Variants in MCTP1 observed in about 807,000 individuals in gnomAD.
MCTP1 encodes the protein multiple C2 and transmembrane domain containing 1.
A neutral mutation model predicts 120.6 loss-of-function variants in MCTP1; 69 were observed. The ratio of observed to expected loss-of-function variants is 0.57; its 90% confidence interval spans 0.47 to 0.70. MCTP1 has a LOEUF of 0.70. MCTP1 is among the 30% of genes least tolerant of loss of function. The probability of loss-of-function intolerance (pLI) is 0.00; values close to 1 mark genes in which losing one functional copy is unlikely to be tolerated. For synonymous variants in MCTP1, 529 were observed against 493.1 expected (o/e 1.07, Z -0.96); for missense variants, 1,203 against 1,248.8 (o/e 0.96, Z 0.55).
At chr5:95,253,944 T>C (rs1253414494) in intron 1 of MCTP1, among the ~76,000 whole-genome samples, 1 of 152,136 alleles carries the variant, frequency 6.6e-6, no homozygotes, top group Non-Finnish European at 1.5e-5. Context: ...ATATTAACTT[T>C]TTATTCAGCC....
intron 1 of MCTP1, among the ~76,000 whole-genome samples, chr5:95,128,077 C>A (rs1455113667): frequency 6.6e-6 from 1 of 152,192 alleles, no homozygotes; most frequent in Admixed American, 6.5e-5. Flanking sequence ...TTCACTCTGG[C>A]TCCTATGAAG....
chr5:94,896,167 C>A (rs1044992445), intron 10 of MCTP1, among the ~76,000 whole-genome samples: 1 of 152,046 alleles, frequency 6.6e-6, no homozygotes, highest in Non-Finnish European at 1.5e-5. Flanking sequence ...ATACCTGGAA[C>A]AAACTGAGGT....
intron 2 of MCTP1, among the ~76,000 whole-genome samples, chr5:95,004,182 T>C (rs1471925712): frequency 6.6e-6 from 1 of 152,182 alleles, no homozygotes; most frequent in Non-Finnish European, 1.5e-5. Flanking sequence ...TAATTTAGGG[T>C]ATCTGGCTGA....
intron 18 of MCTP1, among the ~76,000 whole-genome samples, chr5:94,791,127 A>G (rs796881381): frequency 6.7e-5 from 10 of 149,560 alleles, no homozygotes; most frequent in African/African-American, 1.7e-4. Flanking sequence ...AAAAAAAAAA[A>G]AAAAAAGAAA....
chr5:94,765,631 G>A (rs1185709128), intron 19 of MCTP1, among the ~76,000 whole-genome samples: 1 of 150,786 alleles, frequency 6.6e-6, no homozygotes, highest in Non-Finnish European at 1.5e-5. Context: ...AATGTGGGAG[G>A]TGGAGGTTGC....
intron 1 of MCTP1, among the ~76,000 whole-genome samples, chr5:95,190,624 T>C (rs1349646123): frequency 6.6e-6 from 1 of 152,030 alleles, no homozygotes; most frequent in African/African-American, 2.4e-5. Context: ...ATTTACTAGC[T>C]ACTTGCTTCC....
chr5:94,898,137 T>TATC (rs1182282279), intron 10 of MCTP1, among the ~76,000 whole-genome samples: 2 of 152,230 alleles, frequency 1.3e-5, no homozygotes, highest in Non-Finnish European at 2.9e-5. Flanking sequence ...AGAAATAGTT[T>TATC]ATCTCAGGTC....
intron 18 of MCTP1, among the ~76,000 whole-genome samples, chr5:94,781,047 G>T (rs541170059): frequency 1.3e-5 from 2 of 152,106 alleles, no homozygotes; most frequent in East Asian, 1.9e-4. Flanking sequence ...TGCATCAGAA[G>T]AATTCACCTA....
chr5:94,757,205 C>T (rs1339961191), intron 19 of MCTP1, among the ~76,000 whole-genome samples: 2 of 152,296 alleles, frequency 1.3e-5, no homozygotes, highest in East Asian at 3.9e-4. Flanking sequence ...CTGAGTATTA[C>T]TCTGTGTTCT....
At chr5:94,715,318 C>G (rs1758700565) in intron 19 of MCTP1, among the ~76,000 whole-genome samples, 1 of 124,878 alleles carries the variant, frequency 8.0e-6, no homozygotes, top group Non-Finnish European at 1.6e-5. Flanking sequence ...ATTTCAGCAG[C>G]AGAGAATGCT....
At chr5:94,931,811 T>G in intron 6 of MCTP1, 142 bp downstream of exon 6, 1 of 671,658 alleles carries the variant, frequency 1.5e-6, no homozygotes, top group Non-Finnish European at 2.6e-6. Flanking sequence ...CATCACATGG[T>G]TGGCTTAAAT....
chr5:94,779,926 TC>T (rs1221937758), intron 18 of MCTP1, among the ~76,000 whole-genome samples: 2 of 152,166 alleles, frequency 1.3e-5, no homozygotes, highest in Non-Finnish European at 2.9e-5. Flanking sequence ...CCAAATAACT[TC>T]CCTTTGCCTT....
intron 1 of MCTP1, among the ~76,000 whole-genome samples, chr5:95,214,672 A>G (rs1239290328): frequency 1.3e-5 from 2 of 152,276 alleles, no homozygotes; most frequent in African/African-American, 4.8e-5. Context: ...ACACCATGGA[A>G]TACTATGCAG....
chr5:94,764,603 G>C (rs1289118620), intron 19 of MCTP1, among the ~76,000 whole-genome samples: 1 of 151,980 alleles, frequency 6.6e-6, no homozygotes, highest in Non-Finnish European at 1.5e-5. Flanking sequence ...TGATAAAACA[G>C]ATGTTAAGTC....
At chr5:94,805,085 C>T (rs1036191004) in intron 17 of MCTP1, among the ~76,000 whole-genome samples, 1 of 152,006 alleles carries the variant, frequency 6.6e-6, no homozygotes, top group Non-Finnish European at 1.5e-5. Context: ...TATTATGCCC[C>T]TATATATGAA....
At chr5:94,878,654 T>C (rs1799427071) in intron 12 of MCTP1, among the ~76,000 whole-genome samples, 1 of 152,092 alleles carries the variant, frequency 6.6e-6, no homozygotes, top group Non-Finnish European at 1.5e-5. Context: ...AATAAAATCA[T>C]ACATTGACTT....
chr5:94,708,490 A>C, intron 22 of MCTP1, 22 bp downstream of exon 22: 1 of 1,391,808 alleles, frequency 7.2e-7, no homozygotes, highest in Non-Finnish European at 1.0e-6. Context: ...TAATAGCAAT[A>C]ATAATAACGA....
chr5:95,228,325 GA>G (rs1754515632), intron 1 of MCTP1, among the ~76,000 whole-genome samples: 1 of 152,136 alleles, frequency 6.6e-6, no homozygotes, highest in African/African-American at 2.4e-5. Context: ...TGAGGTTCTG[GA>G]CATACTGCCA....
chr5:95,251,453 T>C (rs892044785), intron 1 of MCTP1, among the ~76,000 whole-genome samples: 1 of 152,250 alleles, frequency 6.6e-6, no homozygotes, highest in Admixed American at 6.5e-5. Context: ...TGAGTCATTA[T>C]GAAAGAATGA....
Sources: allele counts gnomAD v4.1 joint callset (sites outside exome capture counted in the v4.1 genomes callset), GRCh38; gene constraint gnomAD v4.1.1; transcripts MANE v1.5; gene names NCBI Gene and HGNC (gene_info 2026-07-23, HGNC 2026-07-21).